The following DLG2 variants were observed in gnomAD, a reference collection of about 807,000 sequenced individuals.
DLG2 encodes disks large homolog 2.
DLG2 carries 45 observed loss-of-function variants against 132.5 expected under a neutral mutation model. That is an observed-to-expected ratio of 0.34 (90% CI 0.27 to 0.44). The LOEUF (loss-of-function observed/expected upper bound fraction) is 0.44, where lower values mean the gene tolerates loss of function less well. Ranked by LOEUF, DLG2 falls within the 20% of genes least tolerant of loss-of-function variation. The pLI is 1.00. For synonymous variants in DLG2, 424 were observed against 419.6 expected (o/e 1.01, Z -0.13); for missense variants, 1,045 against 1,196.9 (o/e 0.87, Z 1.87).
chr11:85,213,963 A>G (rs918379077), intron 4 of DLG2, among the ~76,000 whole-genome samples: 1 of 152,082 alleles, frequency 6.6e-6, no homozygotes, highest in African/African-American at 2.4e-5. Context: ...CTCAGTTCAT[A>G]TTTCTAACCC....
intron 3 of DLG2, among the ~76,000 whole-genome samples, chr11:85,314,114 C>T (rs1425376591): frequency 1.3e-5 from 2 of 151,936 alleles, no homozygotes; most frequent in South Asian, 2.1e-4. Context: ...ATTCAAGGAA[C>T]ATTTATTGAG....
intron 21 of DLG2, among the ~76,000 whole-genome samples, chr11:83,508,966 G>A (rs1053292198): frequency 1.3e-5 from 2 of 152,244 alleles, no homozygotes; most frequent in Admixed American, 1.3e-4. Context: ...GTTGTCTGCA[G>A]TAGAGGAACA....
At chr11:83,584,127 G>A (rs2097035255) in intron 19 of DLG2, among the ~76,000 whole-genome samples, 2 of 152,092 alleles carry the variant, frequency 1.3e-5, no homozygotes, top group Non-Finnish European at 2.9e-5. Context: ...AAGCAAACCA[G>A]GTCTCTGTTT....
At chr11:85,285,642 T>G (rs934915325) in intron 3 of DLG2, among the ~76,000 whole-genome samples, 8 of 152,098 alleles carry the variant, frequency 5.3e-5, no homozygotes, top group African/African-American at 1.9e-4. Flanking sequence ...TGTTATTCAG[T>G]AATAAGGAAT....
intron 3 of DLG2, among the ~76,000 whole-genome samples, chr11:85,425,682 C>T (rs868457550): frequency 1.3e-5 from 2 of 152,092 alleles, no homozygotes; most frequent in South Asian, 2.1e-4. Flanking sequence ...CAAATAGGAA[C>T]AGCTCCACTC....
chr11:84,254,805 T>C (rs2097439803), intron 7 of DLG2, among the ~76,000 whole-genome samples: 1 of 152,148 alleles, frequency 6.6e-6, no homozygotes, highest in Non-Finnish European at 1.5e-5. Flanking sequence ...ATATGGAAAG[T>C]TTATTATTCC....
intron 3 of DLG2, among the ~76,000 whole-genome samples, chr11:85,527,056 G>T (rs1030842028): frequency 6.6e-6 from 1 of 152,082 alleles, no homozygotes; most frequent in Non-Finnish European, 1.5e-5. Flanking sequence ...TTTAAAATGG[G>T]CAAGAGTCTT....
chr11:85,072,051 T>C (rs767938079), intron 6 of DLG2, among the ~76,000 whole-genome samples: 10 of 151,856 alleles, frequency 6.6e-5, no homozygotes, highest in Non-Finnish European at 1.3e-4. Context: ...AATGTGAGCA[T>C]TTGTAGATTG....
intron 18 of DLG2, among the ~76,000 whole-genome samples, chr11:83,735,626 C>T (rs775663693): frequency 2.6e-5 from 4 of 152,194 alleles, no homozygotes; most frequent in Admixed American, 6.5e-5. Context: ...GACATATGGA[C>T]ACTTAAATCA....
At chr11:84,449,263 C>A (rs896922408) in intron 7 of DLG2, among the ~76,000 whole-genome samples, 4 of 151,676 alleles carry the variant, frequency 2.6e-5, no homozygotes, top group African/African-American at 9.7e-5. Context: ...CTTTTTATTT[C>A]CTTAAAAATG....
Position 84,421,929 on chromosome 11 carries a change from C to A in DLG2, c.519+112641G>T, listed in dbSNP as rs570358670. On this transcript the variant is annotated intron_variant, in intron 7 of 27. Coordinates refer to ENST00000376104, the MANE Select transcript of DLG2 (RefSeq NM_001142699.3). ...TTCGAGCATCATCCCCTCTCCGAGG[C>A]CTCCTGTGGCTCCACTCCTTTCTGT... Among the ~76,000 whole-genome samples, 7 of 152,316 alleles carry A rather than the reference C, an allele frequency of 4.6e-5. No individual in the cohort carries two copies. In the East Asian group the frequency reaches 1.2e-3, roughly 25 times the overall value.
chr11:85,363,874 T>C (rs373200908), intron 3 of DLG2, among the ~76,000 whole-genome samples: 19 of 152,330 alleles, frequency 1.2e-4, no homozygotes, highest in African/African-American at 4.3e-4. Flanking sequence ...AGGGAAATTA[T>C]AGTTTGTATA....
At position 85,381,295 on chromosome 11, in the gene DLG2, T is replaced by C. The variant is rs1344713364; in HGVS notation, c.41-95930A>G. Among the ~76,000 whole-genome samples, 5 of 152,140 alleles carry C rather than the reference T, an allele frequency of 3.3e-5. No homozygotes were observed. In the East Asian group the frequency reaches 9.6e-4, roughly 29 times the overall value. On this transcript the variant is annotated intron_variant, in intron 3 of 27. Coordinates refer to ENST00000376104, the MANE Select transcript of DLG2 (RefSeq NM_001142699.3). Reference sequence around the variant, plus strand: ...AATATTTGTATGTTAGTTCAATGTTTAAAAAAATTGGTAGGTTCAAATGCA... The same window carrying C: ...AATATTTGTATGTTAGTTCAATGTTCAAAAAAATTGGTAGGTTCAAATGCA...
chr11:83,937,764 T>A (rs998210069), intron 14 of DLG2, among the ~76,000 whole-genome samples: 5 of 152,144 alleles, frequency 3.3e-5, no homozygotes, highest in Non-Finnish European at 5.9e-5. Context: ...AATTAAATGA[T>A]ACATCCCTTT....
In DLG2 at chr11:83,712,045, A is replaced by C. The variant is rs370701835; in HGVS notation, c.1825+74645T>G. 5.9e-5 allele frequency among the ~76,000 whole-genome samples: 9 copies of C among 152,200 alleles called. No homozygotes were observed. The East Asian group carries it at 1.2e-3, about 20-fold the overall frequency. On this transcript the variant is annotated intron_variant, in intron 18 of 27. Transcript: ENST00000376104. The stretch of plus-strand genomic sequence containing the variant: ...GGTGAGGTTGCAGGAAAAAAGTTGC[A>C]TTTACACTGTTGGTGGGAGTGTAAA...
At chr11:83,806,846 GA>G (rs1454177649) in intron 17 of DLG2, among the ~76,000 whole-genome samples, 2 of 152,086 alleles carry the variant, frequency 1.3e-5, no homozygotes, top group African/African-American at 4.8e-5. Context: ...GTCTAATAGT[GA>G]AAACGATGTA....
chr11:84,882,334 A>T (rs975160745), intron 6 of DLG2, among the ~76,000 whole-genome samples: 15 of 152,072 alleles, frequency 9.9e-5, no homozygotes, highest in Non-Finnish European at 1.5e-4. Flanking sequence ...AGAAAAAAAA[A>T]TGCCGTGTGA....
chr11:84,600,905 G>A (rs1460369577), intron 6 of DLG2, among the ~76,000 whole-genome samples: 1 of 152,178 alleles, frequency 6.6e-6, no homozygotes, highest in Non-Finnish European at 1.5e-5. Flanking sequence ...TCCAAGGAAT[G>A]TTTAGATAAT....
chr11:84,907,985 C>T (rs2091702954), intron 6 of DLG2, among the ~76,000 whole-genome samples: 1 of 152,086 alleles, frequency 6.6e-6, no homozygotes, highest in South Asian at 2.1e-4. Flanking sequence ...GATTCTTACC[C>T]ATCCTATCTG....
Sources: gnomAD v4.1 joint callset for allele counts (sites outside exome capture counted in the v4.1 genomes callset) on GRCh38, gnomAD v4.1.1 for gene constraint, MANE v1.5 for transcripts, NCBI Gene and HGNC (gene_info 2026-07-23, HGNC 2026-07-21) for gene names.